The following DIP2A variants were observed in gnomAD, a reference collection of about 807,000 sequenced individuals.
DIP2A encodes the protein disco-interacting protein 2 homolog A.
Under a neutral mutation model 177.4 loss-of-function variants are expected in DIP2A, and 85 were observed. The ratio of observed to expected loss-of-function variants is 0.48; its 90% confidence interval spans 0.40 to 0.57. The LOEUF is 0.57. DIP2A is among the 20% of genes least tolerant of loss of function. The pLI is 0.00. For synonymous variants in DIP2A, 886 were observed against 881.8 expected (o/e 1.00, Z -0.08); for missense variants, 1,791 against 2,100.2 (o/e 0.85, Z 2.88).
chr21:46,535,256 C>A (rs1417407970), intron 13 of DIP2A, among the ~76,000 whole-genome samples: 1 of 152,100 alleles, frequency 6.6e-6, no homozygotes, highest in Non-Finnish European at 1.5e-5. Context: ...CTTGAGATAT[C>A]TTTAAATTAA....
chr21:46,546,090 G>A (rs1266301546), intron 20 of DIP2A, 129 bp downstream of exon 20: 9 of 1,525,384 alleles, frequency 5.9e-6, no homozygotes, highest in African/African-American at 4.1e-5. Context: ...GGTCGGTGGC[G>A]CTGACCTCCC....
rs143264556 is a variant in DIP2A, at chr21:46,547,519, A to G, written c.2522+477A>G. On this transcript the variant is annotated intron_variant, in intron 21 of 37. Transcript: ENST00000417564. Reference sequence around the variant, plus strand: ...GAGCAAATAATAGACCTCTGGGCCTATGCCCCTGGGCACAGGGGCCAGGAA... The same window carrying G: ...GAGCAAATAATAGACCTCTGGGCCTGTGCCCCTGGGCACAGGGGCCAGGAA... Among the ~76,000 whole-genome samples, 308 of 152,314 alleles carry G rather than the reference A, an allele frequency of 2.0e-3. 1 individual carries two copies. The highest frequency in any genetic ancestry group is 7.2e-3 in the African/African-American group (299 of 41,574).
At chr21:46,534,555 C>T (rs2059484764) in intron 12 of DIP2A, 30 bp from the exon 13 acceptor site, 2 of 1,593,744 alleles carry the variant, frequency 1.3e-6, no homozygotes, top group South Asian at 1.1e-5. Flanking sequence ...AGAAATACCA[C>T]ATCATGTTTT....
chr21:46,506,242 C>T (rs2057975563), intron 6 of DIP2A, among the ~76,000 whole-genome samples: 2 of 151,596 alleles, frequency 1.3e-5, no homozygotes, highest in African/African-American at 4.9e-5. Context: ...CTCACCCTCC[C>T]AAGTAGCTGG....
chr21:46,567,337 A>G, intron 37 of DIP2A, 33 bp from the exon 38 acceptor site: 1 of 1,594,926 alleles, frequency 6.3e-7, no homozygotes, highest in Non-Finnish European at 8.6e-7. Context: ...CTGTGCCTGT[A>G]TCCATGTGAC....
intron 2 of DIP2A, among the ~76,000 whole-genome samples, chr21:46,490,066 T>C (rs572207142): frequency 6.6e-6 from 1 of 152,334 alleles, no homozygotes; most frequent in Non-Finnish European, 1.5e-5. Context: ...CTTTGGGCCC[T>C]GACGCCATCT....
intron 13 of DIP2A, among the ~76,000 whole-genome samples, chr21:46,535,420 C>A (rs974831141): frequency 1.3e-5 from 2 of 152,006 alleles, no homozygotes; most frequent in African/African-American, 4.8e-5. Flanking sequence ...GTCTAAATAT[C>A]TAAAATATAG....
At chr21:46,561,052 G>A (rs908659160) in intron 33 of DIP2A, 1 of 976,294 alleles carries the variant, frequency 1.0e-6, no homozygotes, top group Non-Finnish European at 1.2e-6. Context: ...CGTGTCCCCA[G>A]GGCTGCAGTT....
intron 1 of DIP2A, among the ~76,000 whole-genome samples, chr21:46,473,225 T>G (rs925104080): frequency 1.3e-5 from 2 of 152,076 alleles, no homozygotes; most frequent in African/African-American, 4.8e-5. Flanking sequence ...AGATGTCAAT[T>G]TCCTATTTTT....
At chr21:46,547,150 A>T in intron 21 of DIP2A, 108 bp downstream of exon 21, 1 of 1,487,802 alleles carries the variant, frequency 6.7e-7, no homozygotes, top group Non-Finnish European at 8.9e-7. Flanking sequence ...CACAAAGCCT[A>T]AAAATTGTTG....
chr21:46,560,739 C>A lies in DIP2A; in HGVS notation c.3987C>A (p.Asp1329Glu), dbSNP rs748699887. 6.2e-7 allele frequency: 1 copy of A among 1,609,394 alleles called. No individual in the cohort carries two copies. The highest frequency in any genetic ancestry group is 1.1e-5 in the South Asian group (1 of 89,990). Residue 1329 changes from aspartate to glutamate, a missense_variant, in exon 33 of 38, where the codon GAC becomes GAA. Physicochemically the swap from Asp to Glu is conservative, Grantham distance 45. Transcript: ENST00000417564. ...AICLQGTAGP[D>E]PTTVYVDMRA... ...CCTTCCAGGGCACAGCTGGCCCGGA[C>A]CCCACAACCGTCTACGTGGACATGC...
intron 3 of DIP2A, among the ~76,000 whole-genome samples, chr21:46,492,656 C>T (rs900814344): frequency 3.3e-5 from 5 of 152,018 alleles, no homozygotes; most frequent in Admixed American, 6.6e-5. Context: ...ACGGTGGGAT[C>T]GGTGCCCTTA....
chr21:46,528,821 A>G (rs1246948880), intron 8 of DIP2A, among the ~76,000 whole-genome samples: 2 of 151,394 alleles, frequency 1.3e-5, no homozygotes, highest in Non-Finnish European at 2.9e-5. Flanking sequence ...AGTCACTGCA[A>G]CCTGCCTCTG....
At chr21:46,536,768 G>A (rs2059590135) in intron 13 of DIP2A, among the ~76,000 whole-genome samples, 1 of 152,090 alleles carries the variant, frequency 6.6e-6, no homozygotes, top group South Asian at 2.1e-4. Flanking sequence ...GCCAGGCATG[G>A]CAGCGCATGC....
intron 1 of DIP2A, among the ~76,000 whole-genome samples, chr21:46,472,462 T>C (rs932709321): frequency 6.6e-6 from 1 of 152,156 alleles, no homozygotes; most frequent in Non-Finnish European, 1.5e-5. Context: ...ACAGTGGCAA[T>C]ATCATGAAAT....
rs1396552518 is a variant in DIP2A at position 46,497,063 on chromosome 21, G to A, written c.359G>A (p.Arg120His). Residue 120 changes from arginine to histidine, a missense_variant, in exon 4 of 38, where the codon CGT becomes CAT. Arg to His is a conservative substitution (Grantham distance 29). Coordinates refer to ENST00000417564, the MANE Select transcript of DIP2A (RefSeq NM_015151.4). ...AAGATGCCTATGCCTTCGAAGAGACGTTCTGTCCTTGTGCATTCGTCTGTG... is the reference window on the plus strand; with the variant it reads ...AAGATGCCTATGCCTTCGAAGAGACATTCTGTCCTTGTGCATTCGTCTGTG... ...ERKMPMPSKR[R>H]SVLVHSSVET... is the part of the protein sequence containing the mutation. The A allele has an allele frequency of 8.7e-6, 14 of 1,613,770 alleles. No homozygotes were observed. The highest frequency in any genetic ancestry group is 1.6e-4 in the Middle Eastern group (1 of 6,084).
chr21:46,553,902 G>T, intron 25 of DIP2A: 2 of 308,612 alleles, frequency 6.5e-6, no homozygotes, highest in South Asian at 6.3e-5. Context: ...GGTGGCTTAT[G>T]CCTGTAATCC....
intron 18 of DIP2A, among the ~76,000 whole-genome samples, chr21:46,544,494 G>A (rs1169580380): frequency 6.6e-6 from 1 of 152,158 alleles, no homozygotes. Context: ...AAACATCTGC[G>A]CTCTGGAAAG....
At chr21:46,562,745 C>G (rs1286555179) in intron 34 of DIP2A, among the ~76,000 whole-genome samples, 1 of 152,210 alleles carries the variant, frequency 6.6e-6, no homozygotes, top group African/African-American at 2.4e-5. Context: ...TCCCGTGTCC[C>G]CTGTTACAGT....
Sources: allele counts gnomAD v4.1 joint callset (sites outside exome capture counted in the v4.1 genomes callset), GRCh38; gene constraint gnomAD v4.1.1; transcripts MANE v1.5; gene names NCBI Gene and HGNC (gene_info 2026-07-23, HGNC 2026-07-21).